The following DPP6 variants were observed in gnomAD, a reference collection of about 807,000 sequenced individuals.
DPP6 encodes dipeptidyl peptidase like 6, also known as A-type potassium channel modulatory protein DPP6.
Under a neutral mutation model 122.6 loss-of-function variants are expected in DPP6, and 69 were observed. The observed-to-expected ratio is 0.56, with a 90% CI of 0.46 to 0.69. The LOEUF is 0.69. Among genes scored for constraint, DPP6 ranks in the 30% least tolerant of loss-of-function variants. DPP6 has a pLI of 0.00. For missense variants in DPP6, 928 were observed against 1,116.9 expected (o/e 0.83, Z 2.41); for synonymous variants, 418 against 433.1 (o/e 0.97, Z 0.43).
intron 1 of DPP6, among the ~76,000 whole-genome samples, chr7:154,307,337 T>C (rs1806438818): frequency 6.6e-6 from 1 of 152,130 alleles, no homozygotes; most frequent in South Asian, 2.1e-4. Flanking sequence ...CTTAAACTGA[T>C]ATAAAACTGA....
At chr7:154,472,903 A>G (rs1481206352) in intron 2 of DPP6, among the ~76,000 whole-genome samples, 1 of 152,238 alleles carries the variant, frequency 6.6e-6, no homozygotes, top group Non-Finnish European at 1.5e-5. Context: ...CCTTTAAAAA[A>G]CAAATAAAAT....
chr7:154,652,060 G>A (rs1224623393), intron 6 of DPP6, among the ~76,000 whole-genome samples: 1 of 152,164 alleles, frequency 6.6e-6, no homozygotes, highest in Non-Finnish European at 1.5e-5. Flanking sequence ...AGAGGAGATG[G>A]CATGATCAGG....
At chr7:154,438,565 T>C (rs1329354647) in intron 1 of DPP6, among the ~76,000 whole-genome samples, 1 of 146,776 alleles carries the variant, frequency 6.8e-6, no homozygotes, top group Admixed American at 6.8e-5. Flanking sequence ...GAAAAATGCA[T>C]CCAGGCCTCA....
chr7:153,801,838 A>G, the DPP6 span, among the ~76,000 whole-genome samples: 31 of 152,102 alleles, frequency 2.0e-4, no homozygotes, highest in Non-Finnish European at 3.4e-4. Context: ...TGGTTCATTA[A>G]AAGTTAACTG....
chr7:154,012,045 T>A lies in DPP6; in HGVS notation c.51+124311T>A, dbSNP rs9640197. 5.9e-5 allele frequency among the ~76,000 whole-genome samples: 9 copies of A among 152,204 alleles called. 1 individual carries two copies. Among genetic ancestry groups the A allele is most frequent in the African/African-American group, 1.2e-4 (5 of 41,524 alleles). On this transcript the variant is annotated intron_variant, in intron 1 of 25. Transcript: ENST00000404039. ...ATATCTTTTTTTAATTATAACAAAA[T>A]GGCAAAGTAGGTGTTATCTCCATTT... is the stretch of plus-strand genomic sequence containing the variant.
chr7:154,616,115 C>T (rs538018748), intron 5 of DPP6, among the ~76,000 whole-genome samples: 1 of 152,270 alleles, frequency 6.6e-6, no homozygotes, highest in African/African-American at 2.4e-5. Flanking sequence ...TACAGCCCCA[C>T]CCAGATGTCT....
At position 154,475,044 on chromosome 7, in the gene DPP6, C is replaced by A; in HGVS notation, c.457+7C>A. On this transcript the variant is annotated splice_region_variant and intron_variant, in intron 3 of 25. Coordinates refer to ENST00000377770, the MANE Select transcript of DPP6 (RefSeq NM_130797.4). ...GAGGCTAAGTGGATAAGTGGTGAGT[C>A]CAGGTCCTTCGTGCACAAGACATCG... 1.2e-6 allele frequency: 2 copies of A among 1,607,132 alleles called. No homozygotes were observed. Among genetic ancestry groups the A allele is most frequent in the South Asian group, 2.2e-5 (2 of 90,882 alleles).
At chr7:154,535,303 T>C (rs1396993678) in intron 3 of DPP6, among the ~76,000 whole-genome samples, 1 of 151,928 alleles carries the variant, frequency 6.6e-6, no homozygotes, top group Non-Finnish European at 1.5e-5. Context: ...CTTTGTGACA[T>C]TGAGGTAGGC....
At chr7:154,222,316 G>T (rs1800351149) in intron 1 of DPP6, among the ~76,000 whole-genome samples, 1 of 152,090 alleles carries the variant, frequency 6.6e-6, no homozygotes, top group South Asian at 2.1e-4. Context: ...CCTTCCTCAG[G>T]TCCTAACAGT....
chr7:154,416,834 G>C (rs1817067379), intron 1 of DPP6, among the ~76,000 whole-genome samples: 2 of 43,048 alleles, frequency 4.6e-5, no homozygotes, highest in African/African-American at 1.0e-4. Flanking sequence ...GACAACTCAG[G>C]AAACGTTTCT....
intron 5 of DPP6, among the ~76,000 whole-genome samples, chr7:154,581,238 G>A (rs887616223): frequency 6.6e-6 from 1 of 152,194 alleles, no homozygotes; most frequent in Non-Finnish European, 1.5e-5. Flanking sequence ...AGCTAAGAAG[G>A]CAGAGGTTAG....
At chr7:154,583,255 G>T (rs941428769) in intron 5 of DPP6, among the ~76,000 whole-genome samples, 1 of 152,240 alleles carries the variant, frequency 6.6e-6, no homozygotes, top group Admixed American at 6.5e-5. Flanking sequence ...CAAGGTCAAG[G>T]TGCCAGCAGG....
At chr7:154,042,413 AT>A (rs1360174960) in intron 1 of DPP6, among the ~76,000 whole-genome samples, 1 of 152,202 alleles carries the variant, frequency 6.6e-6, no homozygotes, top group Non-Finnish European at 1.5e-5. Flanking sequence ...GAAAATTTAT[AT>A]AGTTTCCTCT....
chr7:154,840,921 G>A (rs1044420603), intron 16 of DPP6, among the ~76,000 whole-genome samples: 6 of 152,160 alleles, frequency 3.9e-5, no homozygotes, highest in African/African-American at 7.2e-5. Context: ...TCCTATCGGC[G>A]ACTGTCAATT....
chr7:154,579,227 T>A lies in DPP6; in HGVS notation c.627+12311T>A, dbSNP rs377551696. On this transcript the variant is annotated intron_variant, in intron 5 of 25. Coordinates refer to ENST00000377770, the MANE Select transcript of DPP6 (RefSeq NM_130797.4). The stretch of plus-strand genomic sequence containing the variant: ...AGCCAGGCATGGTGGTGGGCGCCTA[T>A]AATCACAGCTACTCAGGAGACCGAG... Among the ~76,000 whole-genome samples, 69 of 152,180 alleles carry A rather than the reference T, an allele frequency of 4.5e-4. 2 individuals carry two copies. In the South Asian group the frequency reaches 0.012, roughly 27 times the overall value.
chr7:153,940,067 A>G (rs1801627637), intron 1 of DPP6, among the ~76,000 whole-genome samples: 1 of 152,220 alleles, frequency 6.6e-6, no homozygotes, highest in African/African-American at 2.4e-5. Context: ...AAATCATGCT[A>G]ACAATGCACT....
chr7:154,114,968 C>T (rs1029023036), intron 1 of DPP6, among the ~76,000 whole-genome samples: 12 of 152,204 alleles, frequency 7.9e-5, no homozygotes, highest in Admixed American at 4.6e-4. Flanking sequence ...AACTATTCAT[C>T]GGCCGCCTCA....
At chr7:154,843,054 A>G (rs948782478) in intron 16 of DPP6, among the ~76,000 whole-genome samples, 3 of 152,248 alleles carry the variant, frequency 2.0e-5, no homozygotes, top group Non-Finnish European at 4.4e-5. Flanking sequence ...ACAAATGCAT[A>G]GAGAATCAGA....
intron 1 of DPP6, among the ~76,000 whole-genome samples, chr7:154,115,168 G>A (rs1220341495): frequency 2.0e-5 from 3 of 152,198 alleles, no homozygotes; most frequent in East Asian, 1.9e-4. Context: ...TCATCAGGTG[G>A]TGTGAAAGAC....
Sources: allele counts gnomAD v4.1 joint callset (sites outside exome capture counted in the v4.1 genomes callset), GRCh38; gene constraint gnomAD v4.1.1; transcripts MANE v1.5; gene names NCBI Gene and HGNC (gene_info 2026-07-23, HGNC 2026-07-21).